The following TEX11 variants were observed in gnomAD, a reference collection of about 807,000 sequenced individuals.
TEX11 encodes testis expressed 11.
A neutral mutation model predicts 84.4 loss-of-function variants in TEX11; 7 were observed. That is an observed-to-expected ratio of 0.08 (90% CI 0.05 to 0.16). The LOEUF (loss-of-function observed/expected upper bound fraction) is 0.16. Among genes scored for constraint, TEX11 ranks in the 10% least tolerant of loss-of-function variants. The pLI is 1.00. For synonymous variants in TEX11, 264 were observed against 222.8 expected (o/e 1.18, Z -1.64); for missense variants, 551 against 660.5 (o/e 0.83, Z 1.82).
intron 24 of TEX11, among the ~76,000 whole-genome samples, chrX:70,598,505 C>T (rs1362548924): frequency 9.0e-6 from 1 of 111,640 alleles, no homozygotes; most frequent in Non-Finnish European, 1.9e-5. Flanking sequence ...AATACCAATC[C>T]TAGGTATATT....
At chrX:70,547,989 G>A (rs1165579331) in intron 28 of TEX11, among the ~76,000 whole-genome samples, 1 of 111,738 alleles carries the variant, frequency 8.9e-6, no homozygotes, top group Non-Finnish European at 1.9e-5. Context: ...TTGCAGCGCT[G>A]TTCACAATAG....
At chrX:70,625,153 G>A (rs752358486) in intron 18 of TEX11, among the ~76,000 whole-genome samples, 1 of 111,038 alleles carries the variant, frequency 9.0e-6, no homozygotes, top group Non-Finnish European at 1.9e-5. Flanking sequence ...AACACTCAAA[G>A]CCTTGCCAAT....
At chrX:70,524,895 C>G (rs892152258), downstream of TEX11, among the ~76,000 whole-genome samples, 2 of 112,347 alleles carry the variant, frequency 1.8e-5, no homozygotes, top group Admixed American at 9.5e-5. Context: ...GGAAGTAGGC[C>G]GGACATGGCG....
chrX:70,873,965 G>A (rs1362209945), intron 3 of TEX11, among the ~76,000 whole-genome samples: 6 of 111,467 alleles, frequency 5.4e-5, no homozygotes, highest in Non-Finnish European at 1.1e-4. Context: ...CTGATGGGAG[G>A]TACTTGGGTC....
At chrX:70,781,738 G>A (rs999255555) in intron 9 of TEX11, among the ~76,000 whole-genome samples, 1 of 111,480 alleles carries the variant, frequency 9.0e-6, no homozygotes, top group Non-Finnish European at 1.9e-5. Context: ...TCAAATTAAT[G>A]AAATAAAGTG....
chrX:70,751,715 A>G (rs980277201), intron 9 of TEX11, among the ~76,000 whole-genome samples: 2 of 112,143 alleles, frequency 1.8e-5, no homozygotes, highest in Non-Finnish European at 3.8e-5. Context: ...GAGTAAATAA[A>G]TACATTCCCA....
At chrX:70,704,046 CT>C (rs1358634618) in intron 13 of TEX11, among the ~76,000 whole-genome samples, 3 of 110,355 alleles carry the variant, frequency 2.7e-5, no homozygotes, top group African/African-American at 9.9e-5. Context: ...TGATGGAGTT[CT>C]CACGAGATCT....
chrX:70,552,366 C>A, intron 27 of TEX11, 120 bp from the exon 28 acceptor site: 1 of 912,898 alleles, frequency 1.1e-6, no homozygotes, highest in Non-Finnish European at 1.5e-6. Context: ...TCTGTTCTTC[C>A]CTCGGTTTTA....
At chrX:70,812,276 C>T (rs771968811) in intron 8 of TEX11, among the ~76,000 whole-genome samples, 2 of 109,863 alleles carry the variant, frequency 1.8e-5, no homozygotes, top group Admixed American at 9.7e-5. Flanking sequence ...GCACGATCTC[C>T]GCTCACTGCA....
At chrX:70,685,143 C>T (rs2090177857) in intron 13 of TEX11, among the ~76,000 whole-genome samples, 1 of 111,977 alleles carries the variant, frequency 8.9e-6, no homozygotes, top group Admixed American at 9.5e-5. Context: ...GTTGGTGGAT[C>T]GCTTGAGGCC....
At chrX:70,671,644 C>T (rs1349699740) in intron 15 of TEX11, among the ~76,000 whole-genome samples, 1 of 108,168 alleles carries the variant, frequency 9.2e-6, no homozygotes, top group Non-Finnish European at 1.9e-5. Context: ...AAAGAGAATA[C>T]GAATATCATT....
intron 3 of TEX11, among the ~76,000 whole-genome samples, chrX:70,875,307 C>T (rs1052011651): frequency 1.8e-5 from 2 of 111,029 alleles, no homozygotes; most frequent in African/African-American, 3.3e-5. Flanking sequence ...AATCTTTGCA[C>T]TTAATAGTGT....
At position 70,700,357 on chromosome X, in the gene TEX11, C is replaced by T. The variant is rs375347211; in HGVS notation, c.1005-17532G>A. ...AGTCAAGTCTACAGGTACCATTTTT[C>T]CAACAGCATGCACTCTATTTGTGTC... On this transcript the variant is annotated intron_variant, in intron 13 of 29. Transcript: ENST00000374333. Among the ~76,000 whole-genome samples the T allele has an allele frequency of 3.6e-5, 4 of 111,782 alleles. No homozygotes were observed. In the East Asian group the frequency reaches 8.4e-4, roughly 24 times the overall value.
intron 9 of TEX11, among the ~76,000 whole-genome samples, chrX:70,793,442 T>C (rs1223601058): frequency 8.9e-6 from 1 of 111,987 alleles, no homozygotes; most frequent in African/African-American, 3.3e-5. Flanking sequence ...CTCTCATGAA[T>C]GGCTTAGCCC....
At chrX:70,638,706 CAGA>C (rs2089605272) in intron 17 of TEX11, among the ~76,000 whole-genome samples, 1 of 102,676 alleles carries the variant, frequency 9.7e-6, no homozygotes, top group Admixed American at 1.1e-4. Context: ...GAGGCTGAAG[CAGA>C]AGAACTGCTT....
intron 7 of TEX11, among the ~76,000 whole-genome samples, chrX:70,852,772 A>G (rs1237487390): frequency 3.6e-5 from 4 of 111,808 alleles, no homozygotes. Flanking sequence ...GATTGCTGCC[A>G]TAAATAAATG....
At chrX:70,607,093 C>T (rs1719432716) in intron 22 of TEX11, 64 bp from the exon 23 acceptor site, 1 of 869,806 alleles carries the variant, frequency 1.1e-6, no homozygotes, top group South Asian at 2.9e-5. Flanking sequence ...TTAGTCTGTA[C>T]CATTACAATT....
intron 2 of TEX11, among the ~76,000 whole-genome samples, chrX:70,903,444 A>G (rs2091813928): frequency 9.0e-6 from 1 of 110,747 alleles, no homozygotes; most frequent in Non-Finnish European, 1.9e-5. Flanking sequence ...GGGGATAGGA[A>G]CTTTTCAGCT....
intron 9 of TEX11, among the ~76,000 whole-genome samples, chrX:70,771,159 T>C (rs1185604894): frequency 1.8e-5 from 2 of 112,568 alleles, no homozygotes; most frequent in East Asian, 5.5e-4. Context: ...ATGATCTGGT[T>C]GTATCCCTAT....
Sources: allele counts gnomAD v4.1 joint callset (sites outside exome capture counted in the v4.1 genomes callset), GRCh38; gene constraint gnomAD v4.1.1; transcripts MANE v1.5; gene names NCBI Gene and HGNC (gene_info 2026-07-23, HGNC 2026-07-21).